The following NHS variants were observed in gnomAD, a reference collection of about 807,000 sequenced individuals.
NHS encodes NHS actin remodeling regulator, also known as actin remodeling regulator NHS.
In NHS, 5 loss-of-function variants were observed where a neutral mutation model predicts 72.5. That is an observed-to-expected ratio of 0.07 (90% confidence interval 0.04 to 0.14). The LOEUF is 0.14. Among genes scored for constraint, NHS ranks in the 10% least tolerant of loss-of-function variants. The pLI, the probability that NHS is intolerant of heterozygous loss-of-function variation, is 1.00. For missense variants in NHS, 1,072 were observed against 1,355.7 expected (o/e 0.79, Z 3.29); for synonymous variants, 464 against 547.7 (o/e 0.85, Z 2.13).
At position 17,561,003 on chromosome X, in the gene NHS, A is replaced by C. The variant is rs187813189; in HGVS notation, c.566-126739A>C. Among the ~76,000 whole-genome samples, 42 of 112,120 alleles carry C rather than the reference A, an allele frequency of 3.7e-4. No individual in the cohort carries two copies. The East Asian group carries it at 0.011, about 29-fold the overall frequency. On this transcript the variant is annotated intron_variant, in intron 1 of 8. Coordinates refer to ENST00000676302, the MANE Select transcript of NHS (RefSeq NM_001291867.2). ...ATGTCACCCCCTTTCATGCCTGCCCACCATTTCTACTCAAAAGCCACTCCT... is the reference window on the plus strand; with the variant it reads ...ATGTCACCCCCTTTCATGCCTGCCCCCCATTTCTACTCAAAAGCCACTCCT...
chrX:17,389,435 A>G (rs767475878), intron 1 of NHS, among the ~76,000 whole-genome samples: 2 of 111,405 alleles, frequency 1.8e-5, no homozygotes, highest in East Asian at 5.6e-4. Flanking sequence ...ACAAATTGAA[A>G]TAGTGGAGTT....
At chrX:17,721,246 C>T (rs1450654758) in intron 4 of NHS, among the ~76,000 whole-genome samples, 195 bp from the exon 5 acceptor site, 1 of 112,076 alleles carries the variant, frequency 8.9e-6, no homozygotes, top group Non-Finnish European at 1.9e-5. Flanking sequence ...TAGCCCATTT[C>T]TTTCCTTTTG....
At position 17,732,482 on chromosome X, in the gene NHS, G is replaced by T. The variant is rs377670721; in HGVS notation, c.*18G>T. The T allele has an allele frequency of 2.4e-5, 29 of 1,211,474 alleles. No individual in the cohort carries two copies. The African/African-American group carries it at 4.7e-4, about 20-fold the overall frequency. On this transcript the variant is annotated 3_prime_UTR_variant, in exon 9 of 9. Transcript: ENST00000676302. The stretch of plus-strand genomic sequence containing the variant: ...CAACATAGACTGCCTGTACCAGGCT[G>T]CCTGGCAAAGGCCAAAACCCTTACT...
At chrX:17,718,245 G>C (rs2066376357) in intron 3 of NHS, among the ~76,000 whole-genome samples, 1 of 105,256 alleles carries the variant, frequency 9.5e-6, no homozygotes, top group Non-Finnish European at 1.9e-5. Context: ...GTGGAGGCAG[G>C]ATTTGAATTC....
intron 1 of NHS, among the ~76,000 whole-genome samples, chrX:17,647,454 TTA>T (rs1357720702): frequency 1.8e-5 from 2 of 111,934 alleles, no homozygotes; most frequent in Admixed American, 1.9e-4. Context: ...TGGTTTATAA[TTA>T]CAGCATTCTT....
At chrX:17,488,213 C>T (rs906836634) in intron 1 of NHS, among the ~76,000 whole-genome samples, 4 of 111,614 alleles carry the variant, frequency 3.6e-5, no homozygotes, top group African/African-American at 1.3e-4. Context: ...TTTTATTTGG[C>T]CCACTGCCCA....
rs976372064 is a variant in NHS, at chrX:17,457,747, A to G, written c.565+81425A>G. Among the ~76,000 whole-genome samples the G allele has an allele frequency of 1.6e-4, 18 of 111,850 alleles. No individual in the cohort carries two copies. In the East Asian group the frequency reaches 4.2e-3, roughly 26 times the overall value. On this transcript the variant is annotated intron_variant, in intron 1 of 8. Transcript: ENST00000676302. ...AGTGGGCTTAAGATTTAAAGTATGG[A>G]GAGCATCATATACAGTGAAGCCTCA...
intron 1 of NHS, among the ~76,000 whole-genome samples, chrX:17,457,308 C>T (rs1416938479): frequency 8.9e-6 from 1 of 111,907 alleles, no homozygotes; most frequent in Non-Finnish European, 1.9e-5. Flanking sequence ...GTCCTGTAGG[C>T]TGTGCAGGAA....
chrX:17,435,210 T>C (rs1223428377), intron 1 of NHS, among the ~76,000 whole-genome samples: 3 of 111,687 alleles, frequency 2.7e-5, no homozygotes, highest in Non-Finnish European at 5.6e-5. Flanking sequence ...TGTTTGGTTT[T>C]AAAAGAAACT....
At chrX:17,561,568 GCGCGCGCACACA>G (rs1245242631) in intron 1 of NHS, among the ~76,000 whole-genome samples, 60 of 65,612 alleles carry the variant, frequency 9.1e-4, no homozygotes, top group African/African-American at 4.0e-3. Flanking sequence ...GCGCGCGCGC[GCGCGCGCACACA>G]CACACACACA....
chrX:17,636,631 A>G (rs1280941333), intron 1 of NHS, among the ~76,000 whole-genome samples: 1 of 112,082 alleles, frequency 8.9e-6, no homozygotes, highest in African/African-American at 3.2e-5. Flanking sequence ...AGGGTCTCCT[A>G]TTAGCCCAAC....
intron 1 of NHS, among the ~76,000 whole-genome samples, chrX:17,455,965 C>T (rs1601714410): frequency 9.0e-6 from 1 of 111,152 alleles, no homozygotes; most frequent in Middle Eastern, 4.6e-3. Flanking sequence ...CACAAAATTT[C>T]CTGGAGATAT....
At chrX:17,551,094 G>C (rs2065333472) in intron 1 of NHS, among the ~76,000 whole-genome samples, 1 of 111,712 alleles carries the variant, frequency 9.0e-6, no homozygotes, top group Non-Finnish European at 1.9e-5. Flanking sequence ...ATTGTCACCT[G>C]CTAGGCTCTC....
intron 1 of NHS, among the ~76,000 whole-genome samples, chrX:17,494,038 A>G (rs1025847303): frequency 2.8e-5 from 3 of 107,393 alleles, no homozygotes; most frequent in Non-Finnish European, 5.8e-5. Flanking sequence ...AAATGAGGCA[A>G]TGGCTCTGGT....
At position 17,734,633 on chromosome X, in the gene NHS, G is replaced by A. The variant is rs1461156160; in HGVS notation, c.*2169G>A. The A allele has an allele frequency of 9.0e-6, 1 of 111,725 alleles. No individual in the cohort carries two copies. The highest frequency in any genetic ancestry group is 3.3e-5 in the African/African-American group (1 of 30,524). The allele number at this position is 111,725 out of a possible 1,213,427, so 9.2% of individuals were successfully genotyped here. A position where few individuals can be genotyped will look rare whatever the true frequency, so the allele number is the denominator to read the frequency against. ...CTTTTTCTTAAAAGAAAAATATTTT[G>A]GGGTTTGAATAAAATGGACCACCAT... On this transcript the variant is annotated 3_prime_UTR_variant, in exon 9 of 9. Transcript: ENST00000676302.
At chrX:17,681,267 A>T (rs1272165751) in intron 1 of NHS, among the ~76,000 whole-genome samples, 1 of 112,150 alleles carries the variant, frequency 8.9e-6, no homozygotes, top group Non-Finnish European at 1.9e-5. Context: ...CTGGCCTCCC[A>T]ATCTTCTTTT....
At position 17,732,630 on chromosome X, in the gene NHS, T is replaced by G; in HGVS notation, c.*166T>G. On this transcript the variant is annotated 3_prime_UTR_variant, in exon 9 of 9. Coordinates refer to ENST00000676302, the MANE Select transcript of NHS (RefSeq NM_001291867.2). ...TATGTGCTGGGTAAACAGAAAGTGG[T>G]TTAGACATTCTTGATTAGTTTCCAT... 2.7e-6 allele frequency: 2 copies of G among 736,349 alleles called. No homozygotes were observed. Among genetic ancestry groups the G allele is most frequent in the Non-Finnish European group, 4.0e-6 (2 of 496,268 alleles). The allele number at this position is 736,349 out of a possible 1,213,427, so 60.7% of individuals were successfully genotyped here.
intron 1 of NHS, among the ~76,000 whole-genome samples, chrX:17,397,478 C>T (rs1476590767): frequency 9.0e-6 from 1 of 111,245 alleles, no homozygotes; most frequent in Non-Finnish European, 1.9e-5. Context: ...CTGGCATTTT[C>T]AGGGAAAGAG....
intron 1 of NHS, among the ~76,000 whole-genome samples, chrX:17,508,425 C>T (rs759807708): frequency 7.2e-5 from 8 of 111,729 alleles, no homozygotes; most frequent in South Asian, 3.8e-4. Flanking sequence ...GGCAGAATAA[C>T]GTTCCAGTGT....
Sources: gnomAD v4.1 joint callset for allele counts (sites outside exome capture counted in the v4.1 genomes callset) on GRCh38, gnomAD v4.1.1 for gene constraint, MANE v1.5 for transcripts, NCBI Gene and HGNC (gene_info 2026-07-23, HGNC 2026-07-21) for gene names.